Variants in PCDHGC3 observed in about 807,000 individuals in gnomAD.
PCDHGC3 encodes the protein protocadherin gamma-C3.
A neutral mutation model predicts 59.2 loss-of-function variants in PCDHGC3; 26 were observed. That is an observed-to-expected ratio of 0.44 (90% CI 0.32 to 0.61). The LOEUF is 0.61. Ranked by LOEUF, PCDHGC3 falls within the 20% of genes least tolerant of loss-of-function variation. The pLI is 0.05. For synonymous variants in PCDHGC3, 487 were observed against 519.7 expected (o/e 0.94, Z 0.86); for missense variants, 1,080 against 1,221.8 (o/e 0.88, Z 1.73).
Position 141,476,870 on chromosome 5 carries a change from C to T in PCDHGC3, c.754C>T (p.Arg252Cys), listed in dbSNP as rs2099400432. 3 of 1,613,772 alleles carry T rather than the reference C, an allele frequency of 1.9e-6. No individual in the cohort carries two copies. Among genetic ancestry groups the T allele is most frequent in the South Asian group, 1.1e-5 (1 of 91,094 alleles). The change falls in exon 1 of 4, where the codon CGC becomes TGC. Residue 252 changes from arginine (R) to cysteine (C), a missense_variant. Coordinates refer to ENST00000308177, the MANE Select transcript of PCDHGC3 (RefSeq NM_002588.4). The surrounding 1 kb of genome is among the most constrained non-coding windows in gnomAD (Gnocchi z 7.6). ...CTTCAACCAGTCCTTGTACCGGGCGCGCGTCCTGGAGGATGCACCCTCCGG... is the reference window on the plus strand; with the variant it reads ...CTTCAACCAGTCCTTGTACCGGGCGTGCGTCCTGGAGGATGCACCCTCCGG... Reference protein sequence around the residue: ...PVFNQSLYRARVLEDAPSGTR... With the variant: ...PVFNQSLYRACVLEDAPSGTR...
rs1226194073 is a variant in PCDHGC3, at chr5:141,490,496, A to G, written c.2431-4311A>G. The G allele has an allele frequency of 6.2e-7, 1 of 1,614,096 alleles. No individual in the cohort carries two copies. Among genetic ancestry groups the G allele is most frequent in the East Asian group, 2.2e-5 (1 of 44,894 alleles). On this transcript the variant is annotated intron_variant, in intron 1 of 3. Coordinates refer to ENST00000308177, the MANE Select transcript of PCDHGC3 (RefSeq NM_002588.4). The surrounding 1 kb of genome is among the most constrained non-coding windows in gnomAD (Gnocchi z 5.4). ...CCTTTGGACCGGGAGGCCACATCCCACTATATCATCGAGCTGCTGGCCAGC... is the reference window on the plus strand; with the variant it reads ...CCTTTGGACCGGGAGGCCACATCCCGCTATATCATCGAGCTGCTGGCCAGC...
chr5:141,489,205 G>A lies in PCDHGC3; in HGVS notation c.2431-5602G>A. 2.1e-6 allele frequency: 3 copies of A among 1,438,682 alleles called. No homozygotes were observed. Among genetic ancestry groups the A allele is most frequent in the Non-Finnish European group, 1.9e-6 (2 of 1,060,944 alleles). 89.1% of individuals were successfully genotyped at this position (1,438,682 alleles called of 1,614,324 possible). On this transcript the variant is annotated intron_variant, in intron 1 of 3. Coordinates refer to ENST00000308177, the MANE Select transcript of PCDHGC3 (RefSeq NM_002588.4). The surrounding 1 kb of genome is among the most constrained non-coding windows in gnomAD (Gnocchi z 4.5). ...CTGGGTCTACCTTGGAGACAGGACA[G>A]CACAGACTTACTCTCCACAAAGGGA...
At position 141,476,395 on chromosome 5, in the gene PCDHGC3, T is replaced by C. The variant is rs545562470; in HGVS notation, c.279T>C (p.Asp93=). 4 of 1,614,020 alleles carry C rather than the reference T, an allele frequency of 2.5e-6. 1 individual carries two copies. In the South Asian group the frequency reaches 4.4e-5, roughly 18 times the overall value. The change falls in exon 1 of 4, where the codon GAT becomes GAC. Residue 93 remains aspartate, a synonymous_variant. Transcript: ENST00000308177. This position sits in a 1 kb window ranked among gnomAD's most constrained non-coding sequence, Gnocchi z 7.6. ...TGEMFVNDRL[D]REELCGTLPS... ...AGATGTTTGTGAACGACCGTCTGGATCGAGAGGAGCTGTGTGGGACACTGC... is the reference window on the plus strand; with the variant it reads ...AGATGTTTGTGAACGACCGTCTGGACCGAGAGGAGCTGTGTGGGACACTGC...
intron 1 of PCDHGC3, among the ~76,000 whole-genome samples, chr5:141,484,179 A>G (rs2099592960): frequency 6.6e-6 from 1 of 152,222 alleles, no homozygotes; most frequent in South Asian, 2.1e-4. Context: ...GATCTCAATC[A>G]TTCAAGGAAG....
rs1036281905 is a variant in PCDHGC3 at position 141,493,555 on chromosome 5, T to A, written c.2431-1252T>A. Among the ~76,000 whole-genome samples, 3 of 152,012 alleles carry A rather than the reference T, an allele frequency of 2.0e-5. No individual in the cohort carries two copies. ...GCCAGTTATCCTTTTGGAGATTGAG[T>A]TCCCCCAGCTCCGTTTCCTCCTATC... On this transcript the variant is annotated intron_variant, in intron 1 of 3. Transcript: ENST00000308177. The surrounding 1 kb of genome is among the most constrained non-coding windows in gnomAD (Gnocchi z 4.3).
At position 141,490,346 on chromosome 5, in the gene PCDHGC3, T is replaced by G. The variant is rs1396321935; in HGVS notation, c.2431-4461T>G. 1.2e-6 allele frequency: 2 copies of G among 1,614,046 alleles called. No individual in the cohort carries two copies. Among genetic ancestry groups the G allele is most frequent in the African/African-American group, 2.7e-5 (2 of 74,900 alleles). ...GAGAGCACACCAGTGGGCACAGTAG[T>G]GGGGTTGTTTAATGTGCGAGACCGG... On this transcript the variant is annotated intron_variant, in intron 1 of 3. Coordinates refer to ENST00000308177, the MANE Select transcript of PCDHGC3 (RefSeq NM_002588.4). This position sits in a 1 kb window ranked among gnomAD's most constrained non-coding sequence, Gnocchi z 5.4.
In PCDHGC3 at chr5:141,487,493, C is replaced by T; in HGVS notation, c.2431-7314C>T. 6.2e-7 allele frequency: 1 copy of T among 1,614,168 alleles called. No individual in the cohort carries two copies. The highest frequency in any genetic ancestry group is 1.1e-5 in the South Asian group (1 of 91,088). On this transcript the variant is annotated intron_variant, in intron 1 of 3. Coordinates refer to ENST00000308177, the MANE Select transcript of PCDHGC3 (RefSeq NM_002588.4). The surrounding 1 kb of genome is among the most constrained non-coding windows in gnomAD (Gnocchi z 5.0). ...GGGAGGCCACTCTCATGGCTGTACA[C>T]CCTTGGCTTCTGCACCCACTCGGAG...
chr5:141,488,502 C>T (rs989368385), intron 1 of PCDHGC3, among the ~76,000 whole-genome samples: 2 of 152,146 alleles, frequency 1.3e-5, no homozygotes, highest in Non-Finnish European at 2.9e-5. Context: ...ACACTCATTC[C>T]ACATTTGGGG....
Position 141,476,698 on chromosome 5 carries a change from G to C in PCDHGC3, c.582G>C (p.Ala194=), listed in dbSNP as rs2075661. ...VQTREDSTKY[A]ELVLERALDR... Reference sequence around the variant, plus strand: ...CGCGGGAGGACAGCACCAAGTACGCGGAGCTGGTGTTGGAGCGCGCCCTGG... The same window carrying C: ...CGCGGGAGGACAGCACCAAGTACGCCGAGCTGGTGTTGGAGCGCGCCCTGG... Residue 194 remains alanine, a synonymous_variant, in exon 1 of 4, where the codon GCG becomes GCC. Transcript: ENST00000308177. The surrounding 1 kb of genome is among the most constrained non-coding windows in gnomAD (Gnocchi z 7.6). The C allele has an allele frequency of 0.2, 326,683 of 1,614,030 alleles. 35,085 individuals carry two copies. Among genetic ancestry groups the C allele is most frequent in the Admixed American group, 0.37 (22,021 of 59,992 alleles).
chr5:141,485,174 A>G lies in PCDHGC3; in HGVS notation c.2430+6628A>G. 6.2e-7 allele frequency: 1 copy of G among 1,611,406 alleles called. No individual in the cohort carries two copies. The highest frequency in any genetic ancestry group is 8.5e-7 in the Non-Finnish European group (1 of 1,177,898). ...AGTAGAGAATTAGCGGGCGGCAGCA[A>G]TGCTCCGCAAGGTGAGAAGCTGGAC... On this transcript the variant is annotated intron_variant, in intron 1 of 3. Coordinates refer to ENST00000308177, the MANE Select transcript of PCDHGC3 (RefSeq NM_002588.4). The surrounding 1 kb of genome is among the most constrained non-coding windows in gnomAD (Gnocchi z 5.7).
rs1328089059 is a variant in PCDHGC3, at chr5:141,478,532, G to A, written c.2416G>A (p.Ala806Thr). 4.4e-6 allele frequency: 7 copies of A among 1,607,742 alleles called. No homozygotes were observed. The East Asian group carries it at 1.6e-4, about 36-fold the overall frequency. The change falls in exon 1 of 4, where the codon GCC (alanine) becomes ACC (threonine). Residue 806 changes from alanine (A) to threonine (T), a missense_variant. Coordinates refer to ENST00000308177, the MANE Select transcript of PCDHGC3 (RefSeq NM_002588.4). Reference sequence around the variant, plus strand: ...TAGGCAGGTGTTGGGTGCAGAGAGCGCCCCTCCCGGACAGGTAAGGTTTAG... The same window carrying A: ...TAGGCAGGTGTTGGGTGCAGAGAGCACCCCTCCCGGACAGGTAAGGTTTAG... Reference protein sequence around the residue: ...FYRQVLGAESAPPGQQAPPNT... With the variant: ...FYRQVLGAESTPPGQQAPPNT...
chr5:141,490,956 A>T lies in PCDHGC3; in HGVS notation c.2431-3851A>T. 1.2e-6 allele frequency: 2 copies of T among 1,613,828 alleles called. No homozygotes were observed. The highest frequency in any genetic ancestry group is 1.7e-6 in the Non-Finnish European group (2 of 1,179,852). ...TGCTGCACCCACGGCCAGACTGGGA[A>T]CACTCAGCCCCCCAGCGTCTCCCTC... On this transcript the variant is annotated intron_variant, in intron 1 of 3. Transcript: ENST00000308177. The surrounding 1 kb of genome is among the most constrained non-coding windows in gnomAD (Gnocchi z 5.4).
Position 141,511,176 on chromosome 5 carries a change from T to C in PCDHGC3, c.*3T>C, listed in dbSNP as rs375508988. On this transcript the variant is annotated 3_prime_UTR_variant, in exon 4 of 4. Transcript: ENST00000308177. ...CGGGCAAGAAGGAGAAGAAGTAACA[T>C]GGAGGCCAGGCCAAGAGCCACAGGG... 198 of 1,614,046 alleles carry C rather than the reference T, an allele frequency of 1.2e-4. 1 individual carries two copies. The highest frequency in any genetic ancestry group is 6.5e-5 in the Non-Finnish European group (77 of 1,179,964).
rs1562059777 is a variant in PCDHGC3, at chr5:141,477,098, G to C, written c.982G>C (p.Gly328Arg). 6.2e-7 allele frequency: 1 copy of C among 1,614,242 alleles called. No individual in the cohort carries two copies. Among genetic ancestry groups the C allele is most frequent in the Non-Finnish European group, 8.5e-7 (1 of 1,180,046 alleles). ...HEIYIQAKDK[G>R]ANPEGAHCKV... ...GATTTACATCCAGGCCAAAGACAAG[G>C]GCGCCAATCCCGAAGGAGCACATTG... The change falls in exon 1 of 4, where the codon GGC becomes CGC. Residue 328 changes from glycine to arginine, a missense_variant. Gly to Arg is a moderately radical substitution (Grantham distance 125, BLOSUM62 -2). Transcript: ENST00000308177. This position sits in a 1 kb window ranked among gnomAD's most constrained non-coding sequence, Gnocchi z 4.9.
chr5:141,490,652 C>A lies in PCDHGC3; in HGVS notation c.2431-4155C>A. ...ATCCTAGAAAACCGGCCTCCGGGCT[C>A]CCTTCTTTGCACTGTGGCTGCCTCA... On this transcript the variant is annotated intron_variant, in intron 1 of 3. Transcript: ENST00000308177. The surrounding 1 kb of genome is among the most constrained non-coding windows in gnomAD (Gnocchi z 5.4). 6.2e-7 allele frequency: 1 copy of A among 1,614,208 alleles called. No individual in the cohort carries two copies. Among genetic ancestry groups the A allele is most frequent in the Non-Finnish European group, 8.5e-7 (1 of 1,180,026 alleles).
rs1196083589 is a variant in PCDHGC3, at chr5:141,486,525, A to G, written c.2430+7979A>G. On this transcript the variant is annotated intron_variant, in intron 1 of 3. Coordinates refer to ENST00000308177, the MANE Select transcript of PCDHGC3 (RefSeq NM_002588.4). This position sits in a 1 kb window ranked among gnomAD's most constrained non-coding sequence, Gnocchi z 5.0. ...CTCAATATTTCAGATGTGAATGATA[A>G]TCCACCCTCTTTCTTTCAGAGGTCA... 1 of 1,614,158 alleles carries G rather than the reference A, an allele frequency of 6.2e-7. No individual in the cohort carries two copies. Among genetic ancestry groups the G allele is most frequent in the African/African-American group, 1.3e-5 (1 of 75,054 alleles).
rs907427230 is a variant in PCDHGC3, at chr5:141,489,936, G to A, written c.2431-4871G>A. 4 of 1,614,096 alleles carry A rather than the reference G, an allele frequency of 2.5e-6. No homozygotes were observed. In the African/African-American group the frequency reaches 5.3e-5, roughly 22 times the overall value. ...GGACCACCCTTATCTCTGTCATCGT[G>A]CTGGACATCAATGATAATGCTCCAA... is the stretch of plus-strand genomic sequence containing the variant. On this transcript the variant is annotated intron_variant, in intron 1 of 3. Coordinates refer to ENST00000308177, the MANE Select transcript of PCDHGC3 (RefSeq NM_002588.4). This position sits in a 1 kb window ranked among gnomAD's most constrained non-coding sequence, Gnocchi z 4.5.
At position 141,486,634 on chromosome 5, in the gene PCDHGC3, T is replaced by C; in HGVS notation, c.2430+8088T>C. 1 of 1,613,762 alleles carries C rather than the reference T, an allele frequency of 6.2e-7. No individual in the cohort carries two copies. The highest frequency in any genetic ancestry group is 8.5e-7 in the Non-Finnish European group (1 of 1,180,044). ...CCTCTGACCCAGACTCTGGCTTGAA[T>C]GCGCTTATCTCCTACTCACTCCTGG... On this transcript the variant is annotated intron_variant, in intron 1 of 3. Coordinates refer to ENST00000308177, the MANE Select transcript of PCDHGC3 (RefSeq NM_002588.4). The surrounding 1 kb of genome is among the most constrained non-coding windows in gnomAD (Gnocchi z 5.0).
At chr5:141,481,739 G>A (rs1034725934) in intron 1 of PCDHGC3, among the ~76,000 whole-genome samples, 1 of 152,082 alleles carries the variant, frequency 6.6e-6, no homozygotes, top group Non-Finnish European at 1.5e-5. Flanking sequence ...GGATCACGAG[G>A]TCAGGAGTCC....
Sources: gnomAD v4.1 joint callset for allele counts (sites outside exome capture counted in the v4.1 genomes callset) on GRCh38, gnomAD v4.1.1 for gene constraint, Gnocchi (gnomAD v3.1) non-coding constraint, MANE v1.5 for transcripts, NCBI Gene and HGNC (gene_info 2026-07-23, HGNC 2026-07-21) for gene names.